The following XRCC4 variants were observed in gnomAD, a reference collection of about 807,000 sequenced individuals.
XRCC4 encodes the protein X-ray repair cross complementing 4, also known as DNA repair protein XRCC4.
XRCC4 carries 28 observed loss-of-function variants against 39.1 expected under a neutral mutation model. That is an observed-to-expected ratio of 0.72 (90% CI 0.53 to 0.98). The LOEUF (loss-of-function observed/expected upper bound fraction) is 0.98. Among genes scored for constraint, XRCC4 ranks in the 50% least tolerant of loss-of-function variants. The pLI is 0.00. For synonymous variants in XRCC4, 123 were observed against 126.4 expected (o/e 0.97, Z 0.18); for missense variants, 350 against 376.4 (o/e 0.93, Z 0.58).
intron 1 of XRCC4, among the ~76,000 whole-genome samples, chr5:83,095,684 T>C (rs1388907156): frequency 6.6e-6 from 1 of 151,876 alleles, no homozygotes; most frequent in Non-Finnish European, 1.5e-5. Context: ...CTGCTGTGGA[T>C]TGGAGGCTAA....
chr5:83,217,070 A>T (rs1278112267), intron 6 of XRCC4, among the ~76,000 whole-genome samples: 1 of 151,870 alleles, frequency 6.6e-6, no homozygotes, highest in African/African-American at 2.4e-5. Context: ...CCAAAAACCA[A>T]TTGTGAGGTC....
chr5:83,157,110 A>G (rs1021382928), intron 3 of XRCC4, among the ~76,000 whole-genome samples: 2 of 152,158 alleles, frequency 1.3e-5, no homozygotes, highest in Non-Finnish European at 2.9e-5. Flanking sequence ...AAGTCTGCAT[A>G]ATTAAAAAAG....
At chr5:83,106,072 A>G (rs539436705) in intron 2 of XRCC4, among the ~76,000 whole-genome samples, 1 of 152,262 alleles carries the variant, frequency 6.6e-6, no homozygotes, top group Admixed American at 6.5e-5. Context: ...AAGAATTTTC[A>G]GGGGTAATAT....
chr5:83,083,059 G>A (rs1001217743), intron 1 of XRCC4, among the ~76,000 whole-genome samples: 2 of 152,020 alleles, frequency 1.3e-5, no homozygotes, highest in Admixed American at 1.3e-4. Flanking sequence ...TGTCACCTTT[G>A]CAGTAAAGCA....
At position 83,195,849 on chromosome 5, in the gene XRCC4, A is replaced by T. The variant is rs1750915225; in HGVS notation, c.395A>T (p.Asp132Val). ...VIRELICYCLDTIAENQAKNE... is the reference protein window; with the variant it reads ...VIRELICYCLVTIAENQAKNE... ...AGAGAACTTATTTGTTATTGCTTGG[A>T]CACCATTGCAGAAAATCAAGCCAAA... The change falls in exon 4 of 8, where the codon GAC becomes GTC. Residue 132 changes from aspartate to valine, a missense_variant. Physicochemically the swap from Asp to Val is radical, Grantham distance 152. Transcript: ENST00000396027. 6.2e-7 allele frequency: 1 copy of T among 1,612,438 alleles called. No homozygotes were observed.
chr5:83,123,386 T>G (rs1747104665), intron 3 of XRCC4, among the ~76,000 whole-genome samples: 1 of 152,050 alleles, frequency 6.6e-6, no homozygotes. Flanking sequence ...ACGTGGAATA[T>G]TTTTTCATCC....
chr5:83,179,142 G>C (rs951775638), intron 3 of XRCC4, among the ~76,000 whole-genome samples: 2 of 152,164 alleles, frequency 1.3e-5, no homozygotes, highest in Non-Finnish European at 2.9e-5. Flanking sequence ...TCTGGTTAAT[G>C]TGTCATGAAG....
intron 3 of XRCC4, among the ~76,000 whole-genome samples, chr5:83,150,248 A>G (rs564406699): frequency 1.4e-4 from 22 of 152,204 alleles, no homozygotes; most frequent in Non-Finnish European, 2.8e-4. Flanking sequence ...TTTTGAGAAT[A>G]TAAGAAATGC....
chr5:83,348,859 T>G (rs1242115380), intron 7 of XRCC4, among the ~76,000 whole-genome samples: 2 of 152,218 alleles, frequency 1.3e-5, no homozygotes, highest in African/African-American at 4.8e-5. Context: ...GAGAGTAGGC[T>G]TTTAGAAGCA....
At chr5:83,111,763 G>A (rs1746455749) in intron 3 of XRCC4, among the ~76,000 whole-genome samples, 1 of 152,058 alleles carries the variant, frequency 6.6e-6, no homozygotes, top group Admixed American at 6.6e-5. Flanking sequence ...CTCAGTTCCT[G>A]CACCAATTCA....
chr5:83,246,799 AGATAAATGC>A (rs1315219356), intron 6 of XRCC4, among the ~76,000 whole-genome samples: 3 of 152,168 alleles, frequency 2.0e-5, no homozygotes, highest in African/African-American at 7.2e-5. Flanking sequence ...TTAACTTATA[AGATAAATGC>A]ATTTTGCACA....
intron 7 of XRCC4, among the ~76,000 whole-genome samples, chr5:83,336,930 A>G (rs1187937660): frequency 6.6e-6 from 1 of 152,218 alleles, no homozygotes; most frequent in Admixed American, 6.5e-5. Flanking sequence ...AAGTTACCTC[A>G]TAATGGAAAG....
intron 3 of XRCC4, among the ~76,000 whole-genome samples, chr5:83,185,197 G>T (rs1399881585): frequency 6.6e-6 from 1 of 151,786 alleles, no homozygotes; most frequent in Non-Finnish European, 1.5e-5. Context: ...GTAAACGATG[G>T]AAAACATAAC....
chr5:83,136,737 C>T (rs931810161), intron 3 of XRCC4, among the ~76,000 whole-genome samples: 2 of 151,996 alleles, frequency 1.3e-5, no homozygotes, highest in African/African-American at 2.4e-5. Context: ...GCAATAAAGA[C>T]CTGCAGTACT....
chr5:83,082,755 A>G (rs1036717830), intron 1 of XRCC4, among the ~76,000 whole-genome samples: 2 of 150,930 alleles, frequency 1.3e-5, no homozygotes, highest in Non-Finnish European at 2.9e-5. Flanking sequence ...CCCTTTAGGT[A>G]TCATTAGTGT....
intron 6 of XRCC4, among the ~76,000 whole-genome samples, chr5:83,224,919 T>A (rs1289696038): frequency 6.6e-6 from 1 of 152,226 alleles, no homozygotes; most frequent in East Asian, 1.9e-4. Flanking sequence ...TATTTTGAAT[T>A]CCCTGTCAGA....
the XRCC4 span, among the ~76,000 whole-genome samples, chr5:83,360,615 C>G: frequency 6.6e-6 from 1 of 152,026 alleles, no homozygotes; most frequent in African/African-American, 2.4e-5. Context: ...TCTGCTTGCC[C>G]TTTGGGAGAG....
chr5:83,324,831 A>G (rs1580513587), intron 7 of XRCC4, among the ~76,000 whole-genome samples: 3 of 152,290 alleles, frequency 2.0e-5, no homozygotes, highest in African/African-American at 2.4e-5. Flanking sequence ...GATAATATGC[A>G]TAGAATCACC....
chr5:83,337,084 G>A (rs76378047), intron 7 of XRCC4, among the ~76,000 whole-genome samples: 2,527 of 152,176 alleles, frequency 0.017, 68 homozygotes, highest in African/African-American at 0.057. Context: ...ATTTTATTCT[G>A]TGTAAATTGT....
Sources: gnomAD v4.1 joint callset for allele counts (sites outside exome capture counted in the v4.1 genomes callset) on GRCh38, gnomAD v4.1.1 for gene constraint, MANE v1.5 for transcripts, NCBI Gene and HGNC (gene_info 2026-07-23, HGNC 2026-07-21) for gene names.